The following NR6A1 variants were observed in gnomAD, a reference collection of about 807,000 sequenced individuals.
NR6A1 encodes retinoic acid receptor-related testis-associated receptor.
A neutral mutation model predicts 59.1 loss-of-function variants in NR6A1; 7 were observed. That is an observed-to-expected ratio of 0.12 (90% CI 0.07 to 0.22). The LOEUF is 0.22. Ranked by LOEUF, NR6A1 falls within the 10% of genes least tolerant of loss-of-function variation. NR6A1 has a pLI of 1.00. For missense variants in NR6A1, 468 were observed against 611.6 expected (o/e 0.77, Z 2.48); for synonymous variants, 243 against 236.1 (o/e 1.03, Z -0.27).
chr9:124,769,390 G>A (rs2131216353), intron 1 of NR6A1, among the ~76,000 whole-genome samples: 1 of 152,220 alleles, frequency 6.6e-6, no homozygotes. Context: ...CTAACAAAAT[G>A]TTTGACTAGT....
intron 2 of NR6A1, among the ~76,000 whole-genome samples, chr9:124,697,160 G>A (rs1838793468): frequency 6.6e-6 from 1 of 152,134 alleles, no homozygotes; most frequent in South Asian, 2.1e-4. Context: ...TCCACTTTTG[G>A]AACAGATATC....
chr9:124,679,147 T>C (rs1196014679), intron 2 of NR6A1, among the ~76,000 whole-genome samples: 2 of 152,230 alleles, frequency 1.3e-5, no homozygotes, highest in African/African-American at 4.8e-5. Flanking sequence ...GCTAGGTATT[T>C]ATAGTTAGTT....
chr9:124,709,704 C>T (rs775423875), intron 2 of NR6A1, among the ~76,000 whole-genome samples: 2 of 151,896 alleles, frequency 1.3e-5, no homozygotes, highest in African/African-American at 4.8e-5. Context: ...GAGGCCAAGG[C>T]GGGCAGATCA....
rs934531851 is a variant in NR6A1 at position 124,622,333 on chromosome 9, A to G, written c.143-67763T>C. ...TGTAATATCCCATGTCCTTCACACT[A>G]AACTGGGTTGACAATGTCGGTGATC... is the stretch of plus-strand genomic sequence containing the variant. On this transcript the variant is annotated intron_variant, in intron 2 of 9. Transcript: ENST00000487099. 3.9e-5 allele frequency among the ~76,000 whole-genome samples: 6 copies of G among 152,198 alleles called. No homozygotes were observed. The South Asian group carries it at 6.2e-4, about 16-fold the overall frequency.
intron 2 of NR6A1, among the ~76,000 whole-genome samples, chr9:124,716,183 C>G (rs1839413162): frequency 6.6e-6 from 1 of 152,094 alleles, no homozygotes; most frequent in Admixed American, 6.6e-5. Context: ...CCAGCCTGGG[C>G]AGCAGAGTGA....
chr9:124,592,204 C>T lies in NR6A1; in HGVS notation c.143-37634G>A, dbSNP rs1325494588. 2.6e-5 allele frequency among the ~76,000 whole-genome samples: 4 copies of T among 152,308 alleles called. No homozygotes were observed. In the East Asian group the frequency reaches 5.8e-4, roughly 22 times the overall value. The stretch of plus-strand genomic sequence containing the variant: ...AAAAGCAATGGGCCAAAATCCCAAC[C>T]TCATCTTGAACCCTGAGGACTTTTA... On this transcript the variant is annotated intron_variant, in intron 2 of 9. Coordinates refer to ENST00000487099, the MANE Select transcript of NR6A1 (RefSeq NM_033334.4).
intron 1 of NR6A1, among the ~76,000 whole-genome samples, chr9:124,753,757 G>A (rs1411798013): frequency 1.3e-5 from 2 of 152,170 alleles, no homozygotes; most frequent in Non-Finnish European, 2.9e-5. Flanking sequence ...GTAGGGGATG[G>A]GGATGCTGGG....
At chr9:124,632,038 A>G (rs1475102155) in intron 2 of NR6A1, among the ~76,000 whole-genome samples, 2 of 152,194 alleles carry the variant, frequency 1.3e-5, no homozygotes, top group African/African-American at 4.8e-5. Context: ...TCCATGATGT[A>G]TATGTACATT....
rs375603671 is a variant in NR6A1, at chr9:124,760,644, C to A, written c.100+10376G>T. Reference sequence around the variant, plus strand: ...TAGCTGCGAAATCTGGAGGTTTAAACTCTGTGGGTCTCAGTTTTCTCCTGT... The same window carrying A: ...TAGCTGCGAAATCTGGAGGTTTAAAATCTGTGGGTCTCAGTTTTCTCCTGT... On this transcript the variant is annotated intron_variant, in intron 1 of 9. Coordinates refer to ENST00000487099, the MANE Select transcript of NR6A1 (RefSeq NM_033334.4). 2.6e-5 allele frequency among the ~76,000 whole-genome samples: 4 copies of A among 152,316 alleles called. No individual in the cohort carries two copies. The East Asian group carries it at 5.8e-4, about 22-fold the overall frequency.
chr9:124,526,189 C>T (rs1832928603), intron 8 of NR6A1, among the ~76,000 whole-genome samples: 1 of 152,204 alleles, frequency 6.6e-6, no homozygotes, highest in Non-Finnish European at 1.5e-5. Flanking sequence ...ACTGGTTTTA[C>T]CAGCAGCTGC....
intron 2 of NR6A1, among the ~76,000 whole-genome samples, chr9:124,667,637 T>C (rs184495282): frequency 6.6e-6 from 1 of 152,254 alleles, no homozygotes; most frequent in East Asian, 1.9e-4. Context: ...GAAAAATATC[T>C]AAAAGATTTG....
chr9:124,583,218 T>C (rs1009734720), intron 2 of NR6A1, among the ~76,000 whole-genome samples: 2 of 144,678 alleles, frequency 1.4e-5, no homozygotes, highest in Non-Finnish European at 3.0e-5. Flanking sequence ...TTGGATAAGA[T>C]ATTCAGACTC....
chr9:124,694,956 C>A (rs532888730), intron 2 of NR6A1, among the ~76,000 whole-genome samples: 2 of 152,154 alleles, frequency 1.3e-5, no homozygotes, highest in African/African-American at 2.4e-5. Context: ...TTCTTGTACA[C>A]CAGAATCATC....
chr9:124,762,700 T>A (rs1437140229), intron 1 of NR6A1, among the ~76,000 whole-genome samples: 4 of 152,230 alleles, frequency 2.6e-5, no homozygotes, highest in African/African-American at 9.6e-5. Flanking sequence ...TTTGAACAGA[T>A]CTCTTAGCTG....
intron 2 of NR6A1, among the ~76,000 whole-genome samples, chr9:124,679,493 C>T (rs1419473351): frequency 4.6e-5 from 7 of 152,084 alleles, no homozygotes; most frequent in Admixed American, 3.3e-4. Context: ...TAAAACCATC[C>T]GTAGGGAGCC....
intron 2 of NR6A1, among the ~76,000 whole-genome samples, chr9:124,693,175 T>G (rs1838616991): frequency 6.6e-6 from 1 of 152,124 alleles, no homozygotes; most frequent in African/African-American, 2.4e-5. Flanking sequence ...CTCAAGCCCT[T>G]AACTAGTTAT....
intron 2 of NR6A1, among the ~76,000 whole-genome samples, chr9:124,623,955 A>G (rs1416893566): frequency 6.6e-6 from 1 of 152,180 alleles, no homozygotes; most frequent in Non-Finnish European, 1.5e-5. Context: ...TAACTGTTTT[A>G]CATGTATCAC....
intron 1 of NR6A1, among the ~76,000 whole-genome samples, chr9:124,735,989 G>A (rs1048607272): frequency 6.6e-6 from 1 of 152,150 alleles, no homozygotes; most frequent in Non-Finnish European, 1.5e-5. Flanking sequence ...CAAACATTCA[G>A]ACCATAGTAC....
intron 3 of NR6A1, among the ~76,000 whole-genome samples, chr9:124,547,820 A>C (rs184436892): frequency 5.7e-4 from 87 of 152,350 alleles, no homozygotes; most frequent in African/African-American, 2.0e-3. Flanking sequence ...GAACTATTTC[A>C]GATTAAAAGA....
Sources: allele counts gnomAD v4.1 joint callset (sites outside exome capture counted in the v4.1 genomes callset), GRCh38; gene constraint gnomAD v4.1.1; transcripts MANE v1.5; gene names NCBI Gene and HGNC (gene_info 2026-07-23, HGNC 2026-07-21).